SLC14A2: variants seen among roughly 807,000 people sequenced by gnomAD.
SLC14A2 encodes urea transporter 2.
A neutral mutation model predicts 104.6 loss-of-function variants in SLC14A2; 91 were observed. That is an observed-to-expected ratio of 0.87 (90% CI 0.73 to 1.04). The LOEUF is 1.04. Ranked by LOEUF, SLC14A2 falls within the 50% of genes least tolerant of loss-of-function variation. The probability of loss-of-function intolerance (pLI) is 0.00; values close to 1 mark genes in which losing one functional copy is unlikely to be tolerated. For synonymous variants in SLC14A2, 476 were observed against 466.4 expected (o/e 1.02, Z -0.27); for missense variants, 1,189 against 1,156.0 (o/e 1.03, Z -0.41).
chr18:45,358,011 G>GA (rs1394753038), intron 1 of SLC14A2, among the ~76,000 whole-genome samples: 1 of 152,160 alleles, frequency 6.6e-6, no homozygotes, highest in African/African-American at 2.4e-5. Context: ...TTCAGTTGAA[G>GA]AAAAAAATTA....
At chr18:45,236,269 GTA>G (rs1172443043) in intron 1 of SLC14A2, among the ~76,000 whole-genome samples, 2 of 41,134 alleles carry the variant, frequency 4.9e-5, no homozygotes, top group Admixed American at 3.9e-4. Context: ...ATATATACAT[GTA>G]TGTGTGTATA....
the SLC14A2 span, among the ~76,000 whole-genome samples, chr18:45,199,165 A>T: frequency 6.6e-6 from 1 of 151,604 alleles, no homozygotes; most frequent in Non-Finnish European, 1.5e-5. Flanking sequence ...GCTGCCAACC[A>T]GATTGATGGA....
chr18:45,596,371 T>C (rs959246), intron 2 of SLC14A2, among the ~76,000 whole-genome samples: 112,022 of 152,164 alleles, frequency 0.74, 41,461 homozygotes, highest in East Asian at 0.85. Flanking sequence ...CAAAACACTG[T>C]GGGTATATTT....
chr18:45,561,347 C>T (rs1303211124), intron 2 of SLC14A2, among the ~76,000 whole-genome samples: 3 of 152,154 alleles, frequency 2.0e-5, no homozygotes, highest in South Asian at 2.1e-4. Flanking sequence ...TATAGTCCCA[C>T]TTAGTCTGGG....
intron 1 of SLC14A2, among the ~76,000 whole-genome samples, chr18:45,443,241 G>A (rs184763251): frequency 2.0e-5 from 3 of 152,324 alleles, no homozygotes; most frequent in African/African-American, 7.2e-5. Flanking sequence ...ATAAATGTGT[G>A]TGATCATAGT....
chr18:45,226,922 G>C (rs187907098), intron 1 of SLC14A2, among the ~76,000 whole-genome samples: 1 of 152,266 alleles, frequency 6.6e-6, no homozygotes, highest in African/African-American at 2.4e-5. Flanking sequence ...GTGGGCAGCA[G>C]CTGGCACACA....
At chr18:45,539,580 A>G (rs1316378632) in intron 2 of SLC14A2, among the ~76,000 whole-genome samples, 1 of 152,146 alleles carries the variant, frequency 6.6e-6, no homozygotes, top group Non-Finnish European at 1.5e-5. Flanking sequence ...AACCCCATGG[A>G]GCCCAGGCAG....
At chr18:45,540,497 C>T (rs1207949449) in intron 2 of SLC14A2, among the ~76,000 whole-genome samples, 1 of 152,146 alleles carries the variant, frequency 6.6e-6, no homozygotes, top group East Asian at 1.9e-4. Context: ...AATCCCAGCA[C>T]TTTGGGAGGC....
chr18:45,620,131 C>T (rs1035041173), intron 1 of SLC14A2, among the ~76,000 whole-genome samples: 9 of 152,170 alleles, frequency 5.9e-5, no homozygotes, highest in Non-Finnish European at 1.2e-4. Flanking sequence ...GGCAAAGGAA[C>T]GCTGTATTCC....
chr18:45,675,594 A>G (rs2046211846), intron 18 of SLC14A2, among the ~76,000 whole-genome samples: 2 of 151,156 alleles, frequency 1.3e-5, no homozygotes, highest in South Asian at 4.2e-4. Context: ...GGCTCACTGC[A>G]GCCTCAACTT....
chr18:45,335,281 G>A (rs778887697), intron 1 of SLC14A2, among the ~76,000 whole-genome samples: 17 of 152,200 alleles, frequency 1.1e-4, no homozygotes, highest in Non-Finnish European at 2.1e-4. Flanking sequence ...AACACAGTGT[G>A]GCATCTTTTT....
chr18:45,370,776 GGAGA>G (rs1311483099), intron 1 of SLC14A2, among the ~76,000 whole-genome samples: 1 of 152,094 alleles, frequency 6.6e-6, no homozygotes, highest in African/African-American at 2.4e-5. Context: ...CCAGGGAGTG[GGAGA>G]GAGAGAGCGA....
intron 1 of SLC14A2, among the ~76,000 whole-genome samples, chr18:45,298,771 G>C (rs1315067573): frequency 2.6e-5 from 4 of 152,156 alleles, no homozygotes; most frequent in African/African-American, 9.7e-5. Context: ...TGGGAGAGAA[G>C]GAAAGAGGAT....
chr18:45,334,831 C>T (rs1441006512), intron 1 of SLC14A2, among the ~76,000 whole-genome samples: 1 of 152,144 alleles, frequency 6.6e-6, no homozygotes, highest in Non-Finnish European at 1.5e-5. Context: ...GGGATCTGCA[C>T]ACCACAGAGC....
At chr18:45,593,088 C>T (rs2044672430) in intron 2 of SLC14A2, among the ~76,000 whole-genome samples, 2 of 152,134 alleles carry the variant, frequency 1.3e-5, no homozygotes, top group South Asian at 4.1e-4. Context: ...GAGGCCGAGG[C>T]AGGCGGATCA....
At chr18:45,357,311 G>A (rs1435076372) in intron 1 of SLC14A2, among the ~76,000 whole-genome samples, 3 of 147,816 alleles carry the variant, frequency 2.0e-5, no homozygotes, top group African/African-American at 5.1e-5. Flanking sequence ...GGGGAAATAC[G>A]GTGGAATTGG....
intron 1 of SLC14A2, among the ~76,000 whole-genome samples, chr18:45,416,393 A>G (rs2086277947): frequency 6.6e-6 from 1 of 152,118 alleles, no homozygotes; most frequent in African/African-American, 2.4e-5. Flanking sequence ...AGGAACATCA[A>G]GGACTGGATT....
At chr18:45,655,665 T>C (rs1426876762) in intron 10 of SLC14A2, among the ~76,000 whole-genome samples, 2 of 152,150 alleles carry the variant, frequency 1.3e-5, no homozygotes, top group Non-Finnish European at 2.9e-5. Context: ...GAAGAAGGCA[T>C]AGAAGAGCAT....
At chr18:45,443,847 G>A (rs1025045795) in intron 1 of SLC14A2, among the ~76,000 whole-genome samples, 2 of 152,132 alleles carry the variant, frequency 1.3e-5, no homozygotes. Flanking sequence ...CTCTTCATTT[G>A]AAATAATAAT....
Sources: gnomAD v4.1 joint callset for allele counts (sites outside exome capture counted in the v4.1 genomes callset) on GRCh38, gnomAD v4.1.1 for gene constraint, MANE v1.5 for transcripts, NCBI Gene and HGNC (gene_info 2026-07-23, HGNC 2026-07-21) for gene names.